FAT3: variants seen among roughly 807,000 people sequenced by gnomAD.
The protein encoded by FAT3 is protocadherin Fat 3.
In FAT3, 95 loss-of-function variants were observed where a neutral mutation model predicts 310.2. The ratio of observed to expected loss-of-function variants is 0.31; its 90% CI spans 0.26 to 0.36. FAT3 has a LOEUF of 0.36. Among genes scored for constraint, FAT3 ranks in the 10% least tolerant of loss-of-function variants. FAT3 has a pLI of 1.00. For synonymous variants in FAT3, 2,314 were observed against 2,192.9 expected (o/e 1.06, Z -1.54); for missense variants, 5,408 against 5,715.6 (o/e 0.95, Z 1.74).
At chr11:92,443,911 A>G (rs1034265345) in intron 2 of FAT3, among the ~76,000 whole-genome samples, 1 of 152,174 alleles carries the variant, frequency 6.6e-6, no homozygotes, top group Non-Finnish European at 1.5e-5. Flanking sequence ...AAATGGCTTT[A>G]TGTTTTAGAA....
chr11:92,334,930 A>C (rs931524378), intron 1 of FAT3, among the ~76,000 whole-genome samples: 1 of 152,168 alleles, frequency 6.6e-6, no homozygotes, highest in Non-Finnish European at 1.5e-5. Flanking sequence ...TTCACCATTG[A>C]TTATACCTGT....
At chr11:92,355,790 G>T (rs1948712813) in intron 2 of FAT3, among the ~76,000 whole-genome samples, 1 of 152,158 alleles carries the variant, frequency 6.6e-6, no homozygotes, top group African/African-American at 2.4e-5. Context: ...GTGTGAAATG[G>T]ATTTTCAAAT....
rs1948608220 is a variant in FAT3 at position 92,352,899 on chromosome 11, G to T, written c.787G>T (p.Ala263Ser). Residue 263 changes from alanine (A) to serine (S), a missense_variant, in exon 2 of 28, where the codon GCC (alanine) becomes TCC (serine). By Grantham distance (99) the Ala-to-Ser change is moderately conservative. Around this residue, in one of 5 missense-constraint regions of FAT3, gnomAD observed 4,588 missense variants for 4,809.8 expected, o/e 0.95. Transcript: ENST00000525166. ...TCACATTGAGCGCATAAATGAACATGCCCCAACAATCCATGTAGTCACTCA... is the reference window on the plus strand; with the variant it reads ...TCACATTGAGCGCATAAATGAACATTCCCCAACAATCCATGTAGTCACTCA... ...YVHIERINEHAPTIHVVTHVP... is the reference protein window; with the variant it reads ...YVHIERINEHSPTIHVVTHVP... 1 of 1,613,766 alleles carries T rather than the reference G, an allele frequency of 6.2e-7. No individual in the cohort carries two copies. Among genetic ancestry groups the T allele is most frequent in the African/African-American group, 1.3e-5 (1 of 74,902 alleles).
chr11:92,231,365 T>C (rs1286179678), intron 1 of FAT3, among the ~76,000 whole-genome samples: 1 of 152,216 alleles, frequency 6.6e-6, no homozygotes, highest in East Asian at 1.9e-4. Context: ...GCTTCCAGAA[T>C]GTGAGTGAAA....
intron 4 of FAT3, among the ~76,000 whole-genome samples, chr11:92,715,124 G>T (rs1222627064): frequency 6.6e-6 from 1 of 151,764 alleles, no homozygotes; most frequent in Admixed American, 6.6e-5. Context: ...AAATTAAATT[G>T]GCCGGGTGCG....
chr11:92,618,416 C>T (rs1409161689), intron 3 of FAT3, among the ~76,000 whole-genome samples: 1 of 152,146 alleles, frequency 6.6e-6, no homozygotes, highest in East Asian at 1.9e-4. Context: ...ATTCCCTGAC[C>T]CCTTGCACTT....
chr11:92,688,709 A>G (rs376959892), intron 3 of FAT3, among the ~76,000 whole-genome samples: 1 of 151,970 alleles, frequency 6.6e-6, no homozygotes, highest in East Asian at 1.9e-4. Flanking sequence ...GTCTGGGGGG[A>G]GCCTACAAGT....
chr11:92,611,039 C>A (rs1055499876), intron 3 of FAT3, among the ~76,000 whole-genome samples: 1 of 152,100 alleles, frequency 6.6e-6, no homozygotes, highest in Non-Finnish European at 1.5e-5. Flanking sequence ...TTTATTGTCT[C>A]TGATCTTCAA....
intron 3 of FAT3, among the ~76,000 whole-genome samples, chr11:92,652,313 T>C (rs571701233): frequency 1.9e-4 from 29 of 152,300 alleles, no homozygotes; most frequent in African/African-American, 6.7e-4. Context: ...CCACAGGCCA[T>C]ACACATACAT....
chr11:92,261,072 T>G (rs553090592), intron 1 of FAT3, among the ~76,000 whole-genome samples: 1 of 152,242 alleles, frequency 6.6e-6, no homozygotes, highest in South Asian at 2.1e-4. Context: ...TATTTTAAAA[T>G]GCTGTGACAA....
intron 22 of FAT3, among the ~76,000 whole-genome samples, chr11:92,878,657 A>AAAAC (rs1565672570): frequency 9.9e-6 from 1 of 101,340 alleles, no homozygotes; most frequent in African/African-American, 6.1e-5. Flanking sequence ...AAAAAAAAAA[A>AAAAC]AAAAAAAAAA....
At chr11:92,459,486 G>A (rs1425273334) in intron 2 of FAT3, among the ~76,000 whole-genome samples, 1 of 152,034 alleles carries the variant, frequency 6.6e-6, no homozygotes, top group Non-Finnish European at 1.5e-5. Context: ...TTATTTTAAC[G>A]GGCCTACTTG....
intron 2 of FAT3, among the ~76,000 whole-genome samples, chr11:92,410,294 GTGTGTGTATGTGTC>G (rs1197178423): frequency 6.6e-6 from 1 of 152,056 alleles, no homozygotes; most frequent in Non-Finnish European, 1.5e-5. Context: ...ATAGGTGTGT[GTGTGTGTATGTGTC>G]TGTGTGTATG....
chr11:92,442,111 A>ATATATTTTTTTTTTTTTTTTTTTT (rs1453396603), intron 2 of FAT3, among the ~76,000 whole-genome samples: 1 of 45,222 alleles, frequency 2.2e-5, no homozygotes, highest in African/African-American at 1.8e-4. Context: ...ATATATATAT[A>ATATATTTTTTTTTTTTTTTTTTTT]TTTTTTTTTT....
intron 2 of FAT3, among the ~76,000 whole-genome samples, chr11:92,497,862 C>T (rs766846794): frequency 1.3e-5 from 2 of 152,016 alleles, no homozygotes; most frequent in Non-Finnish European, 2.9e-5. Flanking sequence ...CGGTAGCATA[C>T]TTCTGGGGGA....
intron 7 of FAT3, among the ~76,000 whole-genome samples, chr11:92,778,405 C>T (rs990580523): frequency 6.6e-6 from 1 of 152,142 alleles, no homozygotes; most frequent in Non-Finnish European, 1.5e-5. Flanking sequence ...TAAAGAATGA[C>T]TAATGTTCAC....
At chr11:92,886,976 C>T in intron 24 of FAT3, 24 bp from the exon 25 acceptor site, 5 of 1,565,112 alleles carry the variant, frequency 3.2e-6, no homozygotes, top group Non-Finnish European at 4.3e-6. Context: ...GTAATTTCTG[C>T]TTTCTCTTTC....
intron 6 of FAT3, 63 bp downstream of exon 6, chr11:92,765,152 A>AG (rs1946270895): frequency 1.6e-6 from 2 of 1,290,156 alleles, no homozygotes; most frequent in East Asian, 2.6e-5. Flanking sequence ...CAACTAGGAA[A>AG]AAAAAAAAAA....
intron 4 of FAT3, among the ~76,000 whole-genome samples, chr11:92,736,412 T>C (rs1201027621): frequency 6.6e-6 from 1 of 152,110 alleles, no homozygotes; most frequent in Admixed American, 6.5e-5. Context: ...CAGGTAATCA[T>C]GAAGATGATT....
Sources: gnomAD v4.1 joint callset for allele counts (sites outside exome capture counted in the v4.1 genomes callset) on GRCh38, gnomAD v4.1.1 for gene constraint, gnomAD v4.1.1 regional missense constraint, MANE v1.5 for transcripts, NCBI Gene and HGNC (gene_info 2026-07-23, HGNC 2026-07-21) for gene names.